Variants in SPIDR observed in about 807,000 individuals in gnomAD.
The protein encoded by SPIDR is DNA repair-scaffolding protein.
SPIDR carries 93 observed loss-of-function variants against 104.6 expected under a neutral mutation model. The ratio of observed to expected loss-of-function variants is 0.89; its 90% CI spans 0.75 to 1.06. The LOEUF (loss-of-function observed/expected upper bound fraction) is 1.06. SPIDR is among the 50% of genes least tolerant of loss of function. SPIDR has a pLI of 0.00. For synonymous variants in SPIDR, 431 were observed against 416.9 expected (o/e 1.03, Z -0.41); for missense variants, 1,154 against 1,111.2 (o/e 1.04, Z -0.55).
chr8:47,463,856 T>C (rs947280002), intron 8 of SPIDR, among the ~76,000 whole-genome samples: 24 of 152,156 alleles, frequency 1.6e-4, no homozygotes, highest in African/African-American at 5.3e-4. Context: ...ATAAGATTAC[T>C]TCCTCAGCCT....
At chr8:47,405,158 A>G (rs1219478978) in intron 6 of SPIDR, among the ~76,000 whole-genome samples, 4 of 152,012 alleles carry the variant, frequency 2.6e-5, no homozygotes, top group African/African-American at 9.7e-5. Context: ...GAACGGTGAG[A>G]TCACTTGGAC....
rs556459979 is a variant in SPIDR at position 47,682,310 on chromosome 8, C to T, written c.1685+8369C>T. 8.6e-5 allele frequency among the ~76,000 whole-genome samples: 13 copies of T among 151,240 alleles called. No homozygotes were observed. In the South Asian group the frequency reaches 1.3e-3, roughly 15 times the overall value. ...AAAAGGTCTCATGCCTTGTGACTCC[C>T]GTATTGTGAAATGTCCAGACCAGGC... is the stretch of plus-strand genomic sequence containing the variant. On this transcript the variant is annotated intron_variant, in intron 11 of 19. Coordinates refer to ENST00000297423, the MANE Select transcript of SPIDR (RefSeq NM_001080394.4).
intron 8 of SPIDR, among the ~76,000 whole-genome samples, chr8:47,441,599 G>A (rs1223874584): frequency 6.6e-6 from 1 of 151,968 alleles, no homozygotes; most frequent in Non-Finnish European, 1.5e-5. Context: ...GTTTTTAGGG[G>A]GCAGGGGTTT....
chr8:47,356,490 A>G (rs1217245268), intron 5 of SPIDR, among the ~76,000 whole-genome samples: 1 of 152,206 alleles, frequency 6.6e-6, no homozygotes, highest in African/African-American at 2.4e-5. Flanking sequence ...GTGGAGAAAG[A>G]TTCTGCACTT....
intron 8 of SPIDR, among the ~76,000 whole-genome samples, chr8:47,503,185 A>G (rs899995536): frequency 2.0e-5 from 3 of 152,124 alleles, no homozygotes; most frequent in South Asian, 4.1e-4. Context: ...CAATTCCTGA[A>G]TATCCTTGTT....
chr8:47,323,175 TAAC>T (rs781952631), intron 5 of SPIDR, among the ~76,000 whole-genome samples: 2 of 152,102 alleles, frequency 1.3e-5, no homozygotes, highest in Non-Finnish European at 2.9e-5. Flanking sequence ...AGCTAAATAA[TAAC>T]AATTGTAAAG....
At chr8:47,660,756 ACT>A (rs1182851476) in intron 10 of SPIDR, among the ~76,000 whole-genome samples, 1 of 152,050 alleles carries the variant, frequency 6.6e-6, no homozygotes, top group Non-Finnish European at 1.5e-5. Context: ...ACCCTGTGCC[ACT>A]CTCAAGCACC....
At chr8:47,587,837 A>T (rs1011588447) in intron 8 of SPIDR, among the ~76,000 whole-genome samples, 9 of 150,942 alleles carry the variant, frequency 6.0e-5, no homozygotes, top group African/African-American at 2.2e-4. Flanking sequence ...TTTGTGTAGT[A>T]TATTTCTGGG....
At chr8:47,653,224 A>G (rs4873529) in intron 10 of SPIDR, among the ~76,000 whole-genome samples, 67,630 of 151,958 alleles carry the variant, frequency 0.45, 18,484 homozygotes, top group East Asian at 0.65. Context: ...GCTCAGGGGA[A>G]GCTGTAGGAC....
intron 11 of SPIDR, among the ~76,000 whole-genome samples, chr8:47,696,968 G>T (rs1208288868): frequency 6.6e-6 from 1 of 152,154 alleles, no homozygotes; most frequent in East Asian, 1.9e-4. Flanking sequence ...TGGAGGACGT[G>T]AGTTGGCAGG....
chr8:47,550,806 T>C (rs2090333000), intron 8 of SPIDR, among the ~76,000 whole-genome samples: 1 of 152,216 alleles, frequency 6.6e-6, no homozygotes, highest in African/African-American at 2.4e-5. Context: ...CAACACTATA[T>C]TGAATAGAAG....
rs191132068 is a variant in SPIDR, at chr8:47,733,590, C to T, written c.2605-1717C>T. ...TCTAAGACACCAGAAGGGTGTCCAG[C>T]GCATATGCCGCCTCCACCCTCCCTC... On this transcript the variant is annotated intron_variant, in intron 19 of 19. Coordinates refer to ENST00000297423, the MANE Select transcript of SPIDR (RefSeq NM_001080394.4). Among the ~76,000 whole-genome samples, 7 of 152,138 alleles carry T rather than the reference C, an allele frequency of 4.6e-5. No individual in the cohort carries two copies. The East Asian group carries it at 9.7e-4, about 21-fold the overall frequency.
At chr8:47,601,478 G>C (rs918153134) in intron 10 of SPIDR, among the ~76,000 whole-genome samples, 4 of 152,134 alleles carry the variant, frequency 2.6e-5, no homozygotes, top group African/African-American at 9.7e-5. Flanking sequence ...GGCGGATCTC[G>C]AGGTCAGGGG....
At chr8:47,546,545 T>C (rs1418114070) in intron 8 of SPIDR, among the ~76,000 whole-genome samples, 1 of 152,158 alleles carries the variant, frequency 6.6e-6, no homozygotes, top group Admixed American at 6.5e-5. Context: ...ATCTTATCCA[T>C]GAACCAGATT....
chr8:47,643,668 A>G (rs969297927), intron 10 of SPIDR, among the ~76,000 whole-genome samples: 1 of 152,282 alleles, frequency 6.6e-6, no homozygotes, highest in South Asian at 2.1e-4. Flanking sequence ...GCCTGACCGC[A>G]ACTTCTATTT....
At chr8:47,434,791 G>A (rs1371899653) in intron 7 of SPIDR, among the ~76,000 whole-genome samples, 1 of 151,840 alleles carries the variant, frequency 6.6e-6, no homozygotes, top group African/African-American at 2.4e-5. Flanking sequence ...ATAGTTATTT[G>A]TTATACTCAT....
chr8:47,469,521 A>G (rs563697926), intron 8 of SPIDR, among the ~76,000 whole-genome samples: 25 of 152,252 alleles, frequency 1.6e-4, no homozygotes, highest in Admixed American at 1.5e-3. Context: ...TGTATATACT[A>G]CAGAATACCA....
chr8:47,378,415 G>A lies in SPIDR; in HGVS notation c.526-17961G>A, dbSNP rs200069368. 2.5e-4 allele frequency among the ~76,000 whole-genome samples: 38 copies of A among 152,266 alleles called. No individual in the cohort carries two copies. The East Asian group carries it at 6.6e-3, about 26-fold the overall frequency. ...TGTCATGGTTATGGAAAAATACATA[G>A]GACAAATTTGTTCTTTAAAGAGAAT... On this transcript the variant is annotated intron_variant, in intron 5 of 19. Transcript: ENST00000297423.
chr8:47,269,467 G>A (rs1236672146), intron 1 of SPIDR, among the ~76,000 whole-genome samples: 2 of 150,976 alleles, frequency 1.3e-5, no homozygotes, highest in Non-Finnish European at 3.0e-5. Context: ...CATGTTGGCC[G>A]GGCTGGTATT....
Sources: gnomAD v4.1 joint callset for allele counts (sites outside exome capture counted in the v4.1 genomes callset) on GRCh38, gnomAD v4.1.1 for gene constraint, MANE v1.5 for transcripts, NCBI Gene and HGNC (gene_info 2026-07-23, HGNC 2026-07-21) for gene names.